The following OOSP4B variants were observed in gnomAD, a reference collection of about 807,000 sequenced individuals.
OOSP4B encodes oocyte-secreted protein 4B.
At chr11:60,019,195 C>G (rs1854659035) in intron 1 of OOSP4B, among the ~76,000 whole-genome samples, 1 of 151,810 alleles carries the variant, frequency 6.6e-6, no homozygotes, top group Non-Finnish European at 1.5e-5. Flanking sequence ...TGCACTCAAG[C>G]CTGGGCGACA....
In OOSP4B at chr11:60,027,655, T is replaced by TAAAAAAAAAAAAAAAAAAAAAAAAAA. The variant is rs61649958; in HGVS notation, c.303-2102_303-2101insAAAAAAAAAAAAAAAAAAAAAAAAAA. ...TCTAAGCAGGTAAAGGCTATGATAT[T>TAAAAAAAAAAAAAAAAAAAAAAAAAA]AAAAAAAAAAAAAAAAAAAAAAAAA... is the stretch of plus-strand genomic sequence containing the variant. On this transcript the variant is annotated intron_variant, in intron 3 of 4. Transcript: ENST00000642343. 1.8e-4 allele frequency among the ~76,000 whole-genome samples: 11 copies of TAAAAAAAAAAAAAAAAAAAAAAAAAA among 62,236 alleles called. 2 individuals carry two copies. Among genetic ancestry groups the TAAAAAAAAAAAAAAAAAAAAAAAAAA allele is most frequent in the Non-Finnish European group, 3.0e-4 (9 of 29,862 alleles). 40.8% of individuals were successfully genotyped at this position (62,236 alleles called of 152,430 possible).
At chr11:60,021,067 T>G (rs476411) in intron 1 of OOSP4B, among the ~76,000 whole-genome samples, 50,614 of 152,138 alleles carry the variant, frequency 0.33, 9,000 homozygotes, top group East Asian at 0.52. Flanking sequence ...AATGGCTATG[T>G]GAAAGAAATC....
At chr11:60,017,562 C>T (rs1159817300) in intron 1 of OOSP4B, 149 bp downstream of exon 1, 31 of 379,290 alleles carry the variant, frequency 8.2e-5, no homozygotes, top group South Asian at 2.9e-4. Context: ...TTTTTTTTTT[C>T]CCCCTGATTA....
intron 1 of OOSP4B, chr11:60,021,643 A>T: frequency 6.6e-6 from 1 of 152,230 alleles, no homozygotes; most frequent in South Asian, 2.1e-4. Flanking sequence ...CTGGAAAATG[A>T]AGACATTATC....
intron 2 of OOSP4B, 140 bp downstream of exon 2, chr11:60,024,201 G>T (rs539982657): frequency 8.9e-5 from 35 of 394,784 alleles, no homozygotes; most frequent in Non-Finnish European, 1.3e-4. Context: ...ATAGGACCAG[G>T]TGCTTATCTA....
At chr11:60,023,360 G>A (rs1854713294) in intron 1 of OOSP4B, among the ~76,000 whole-genome samples, 1 of 152,110 alleles carries the variant, frequency 6.6e-6, no homozygotes, top group Non-Finnish European at 1.5e-5. Context: ...TTTGTTACAT[G>A]TTAATGATCA....
At chr11:60,021,701 G>T (rs1278319015) in intron 1 of OOSP4B, 1 of 152,200 alleles carries the variant, frequency 6.6e-6, no homozygotes, top group African/African-American at 2.4e-5. Context: ...AAGAACATAG[G>T]CCGGGTGCCA....
chr11:60,020,478 C>T (rs1854678701), intron 1 of OOSP4B, among the ~76,000 whole-genome samples: 1 of 152,226 alleles, frequency 6.6e-6, no homozygotes, highest in Admixed American at 6.5e-5. Context: ...CCCTCACTGC[C>T]CGGGTGGGGG....
At chr11:60,023,333 C>A (rs977405368) in intron 1 of OOSP4B, among the ~76,000 whole-genome samples, 4 of 152,114 alleles carry the variant, frequency 2.6e-5, no homozygotes, top group Non-Finnish European at 5.9e-5. Flanking sequence ...TATAAGAAAT[C>A]TAATCTCAAT....
chr11:60,018,423 A>T (rs1393009496), intron 1 of OOSP4B, among the ~76,000 whole-genome samples: 1 of 152,150 alleles, frequency 6.6e-6, no homozygotes, highest in Non-Finnish European at 1.5e-5. Flanking sequence ...ATAGCCAACA[A>T]CCACAAAATC....
At chr11:60,030,825 G>A (rs1266797292) in exon 5 of OOSP4B, 1 of 398,036 alleles carries the variant, frequency 2.5e-6, no homozygotes, top group East Asian at 3.6e-5. Flanking sequence ...AGAAGTCACT[G>A]TATCAATAAT....
At chr11:60,030,041 T>G in intron 4 of OOSP4B, 112 bp downstream of exon 4, 1 of 394,746 alleles carries the variant, frequency 2.5e-6, no homozygotes, top group South Asian at 1.4e-4. Context: ...GAAATTGCTC[T>G]GGTTTTAATA....
intron 1 of OOSP4B, among the ~76,000 whole-genome samples, chr11:60,018,815 T>C (rs1162984579): frequency 6.6e-6 from 1 of 152,190 alleles, no homozygotes; most frequent in African/African-American, 2.4e-5. Context: ...TACCATTCCC[T>C]GAGACCAAAA....
At chr11:60,025,146 A>G in intron 3 of OOSP4B, 141 bp downstream of exon 3, 1 of 392,022 alleles carries the variant, frequency 2.6e-6, no homozygotes, top group Non-Finnish European at 4.5e-6. Flanking sequence ...TCTAAGGAAA[A>G]TGTTCAAATG....
exon 5 of OOSP4B, chr11:60,030,873 G>A (rs1250432376): frequency 5.0e-6 from 2 of 398,012 alleles, no homozygotes; most frequent in African/African-American, 4.1e-5. Context: ...TAAAGCAAGG[G>A]AACAAGTGAT....
intron 1 of OOSP4B, among the ~76,000 whole-genome samples, chr11:60,018,239 A>G (rs1049048947): frequency 2.6e-5 from 4 of 152,128 alleles, no homozygotes; most frequent in African/African-American, 9.7e-5. Context: ...TGTTTCTGTA[A>G]CCATGCACTG....
intron 1 of OOSP4B, chr11:60,019,675 C>A (rs982750115): frequency 5.2e-5 from 8 of 152,556 alleles, no homozygotes; most frequent in African/African-American, 1.9e-4. Flanking sequence ...AAGCTGCAGA[C>A]CTTCGCATGA....
At chr11:60,018,737 A>G (rs1367071208) in intron 1 of OOSP4B, among the ~76,000 whole-genome samples, 1 of 152,030 alleles carries the variant, frequency 6.6e-6, no homozygotes, top group Non-Finnish European at 1.5e-5. Context: ...GTTACACCTG[A>G]GTTTGTTTGA....
chr11:60,024,677 C>A (rs1854727735), intron 2 of OOSP4B, among the ~76,000 whole-genome samples: 1 of 152,106 alleles, frequency 6.6e-6, no homozygotes, highest in Admixed American at 6.5e-5. Flanking sequence ...AAAACAGACC[C>A]AGAGACAATT....
Sources: gnomAD v4.1 joint callset for allele counts (sites outside exome capture counted in the v4.1 genomes callset) on GRCh38, gnomAD v4.1.1 for gene constraint, MANE v1.5 for transcripts, NCBI Gene and HGNC (gene_info 2026-07-23, HGNC 2026-07-21) for gene names.